Variants in ATRX observed in about 807,000 individuals in gnomAD.
ATRX encodes ATRX chromatin remodeler, also known as chromatin remodeler ATRX.
Under a neutral mutation model 172.6 loss-of-function variants are expected in ATRX, and 12 were observed. The ratio of observed to expected loss-of-function variants is 0.07; its 90% CI spans 0.04 to 0.11. The LOEUF is 0.11. ATRX is among the 10% of genes least tolerant of loss of function. The pLI, the probability that ATRX is intolerant of heterozygous loss-of-function variation, is 1.00. For missense variants in ATRX, 1,368 were observed against 1,767.4 expected (o/e 0.77, Z 4.05); for synonymous variants, 674 against 594.7 (o/e 1.13, Z -1.94).
At chrX:77,568,184 T>C (rs1243379555) in intron 28 of ATRX, among the ~76,000 whole-genome samples, 10 of 94,741 alleles carry the variant, frequency 1.1e-4, no homozygotes, top group Admixed American at 3.3e-4. Flanking sequence ...AAAAAGAAAA[T>C]CAAGGGAATA....
chrX:77,685,451 T>C (rs1557143336), intron 7 of ATRX, among the ~76,000 whole-genome samples: 1 of 112,359 alleles, frequency 8.9e-6, no homozygotes, highest in Non-Finnish European at 1.9e-5. Context: ...TCACCATCAT[T>C]GATTATCAGA....
At position 77,599,566 on chromosome X, in the gene ATRX, CCT is replaced by C; in HGVS notation, c.5799_5800del (p.Gly1934GlufsTer7). 8.3e-7 allele frequency: 1 copy of C among 1,209,965 alleles called. No individual in the cohort carries two copies. Among genetic ancestry groups the C allele is most frequent in the Non-Finnish European group, 1.1e-6 (1 of 894,952 alleles). On this transcript the variant is annotated frameshift_variant, in exon 25 of 35. Transcript: ENST00000373344. LOFTEE classifies it high-confidence loss of function. Reference sequence around the variant, plus strand: ...GCTACTATCTTTTTTCCCCTTTTTCCCTTTTTTCTTCTTTCTAAAAACAAACA... The same window carrying C: ...GCTACTATCTTTTTTCCCCTTTTTCCTTTTTCTTCTTTCTAAAAACAAACA...
At position 77,786,115 on chromosome X, in the gene ATRX, G is replaced by T; in HGVS notation, c.-114C>A. On this transcript the variant is annotated 5_prime_UTR_variant, in exon 1 of 35. Coordinates refer to ENST00000373344, the MANE Select transcript of ATRX (RefSeq NM_000489.6). ...AGTCTTAGTCGTCACTGTAGCTGCT[G>T]CTGGAACCTCCCCACAGCTCAAAGG... The T allele has an allele frequency of 1.1e-6, 1 of 919,450 alleles. No individual in the cohort carries two copies. Among genetic ancestry groups the T allele is most frequent in the Non-Finnish European group, 1.5e-6 (1 of 662,731 alleles). 75.8% of individuals were successfully genotyped at this position (919,450 alleles called of 1,213,427 possible). A position where few individuals can be genotyped will look rare whatever the true frequency, so the allele number is the denominator to read the frequency against.
chrX:77,538,533 A>G (rs782814364), intron 30 of ATRX, among the ~76,000 whole-genome samples: 10 of 111,707 alleles, frequency 9.0e-5, no homozygotes, highest in Non-Finnish European at 1.7e-4. Context: ...AACACTATTC[A>G]GGTGATGGTT....
chrX:77,705,412 C>T (rs2072762480), intron 2 of ATRX, among the ~76,000 whole-genome samples: 1 of 112,210 alleles, frequency 8.9e-6, no homozygotes, highest in African/African-American at 3.2e-5. Flanking sequence ...CTCTATAGAC[C>T]GTGCAGCCCT....
intron 7 of ATRX, among the ~76,000 whole-genome samples, chrX:77,687,152 CAAAAAAAAAAA>C (rs146268162): frequency 1.0e-4 from 4 of 39,378 alleles, no homozygotes; most frequent in Non-Finnish European, 1.7e-4. Context: ...GACTCCGTCT[CAAAAAAAAAAA>C]AAAAAAAAAA....
At chrX:77,554,723 G>T (rs1248048632) in intron 30 of ATRX, among the ~76,000 whole-genome samples, 1 of 111,504 alleles carries the variant, frequency 9.0e-6, no homozygotes, top group African/African-American at 3.3e-5. Flanking sequence ...CATCAAAATT[G>T]TATCTGAATG....
chrX:77,760,710 G>A (rs1240662852), intron 1 of ATRX, among the ~76,000 whole-genome samples: 1 of 111,429 alleles, frequency 9.0e-6, no homozygotes, highest in Non-Finnish European at 1.9e-5. Flanking sequence ...AACCCATGAG[G>A]CTTCAACTCT....
intron 1 of ATRX, among the ~76,000 whole-genome samples, chrX:77,766,975 C>T (rs1307572861): frequency 1.8e-5 from 2 of 112,378 alleles, no homozygotes; most frequent in Middle Eastern, 4.8e-3. Context: ...CCCGGCACCT[C>T]GGGAGGCCGA....
At chrX:77,693,991 TA>T in intron 5 of ATRX, 54 bp from the exon 6 acceptor site, 1 of 950,185 alleles carries the variant, frequency 1.1e-6, no homozygotes, top group Non-Finnish European at 1.5e-6. Context: ...GCAAGTGAAG[TA>T]CAAGACTTCA....
intron 22 of ATRX, among the ~76,000 whole-genome samples, chrX:77,604,555 GCA>G (rs1337839475): frequency 1.8e-5 from 2 of 112,062 alleles, no homozygotes; most frequent in Non-Finnish European, 3.8e-5. Flanking sequence ...ATGTAAATTA[GCA>G]CAAACTCCAT....
intron 1 of ATRX, among the ~76,000 whole-genome samples, chrX:77,718,899 C>A (rs1046035699): frequency 1.8e-5 from 2 of 111,130 alleles, no homozygotes; most frequent in Non-Finnish European, 3.8e-5. Flanking sequence ...ATCTTGAGTA[C>A]CTGTGGCACA....
chrX:77,512,918 C>T (rs1050021896), intron 34 of ATRX, among the ~76,000 whole-genome samples: 1 of 110,623 alleles, frequency 9.0e-6, no homozygotes, highest in South Asian at 3.8e-4. Flanking sequence ...CAGAAAATTG[C>T]TTTAACTAAA....
At chrX:77,606,580 T>C (rs2066910288) in intron 22 of ATRX, among the ~76,000 whole-genome samples, 1 of 110,867 alleles carries the variant, frequency 9.0e-6, no homozygotes, top group African/African-American at 3.3e-5. Context: ...AAAAAGGTCA[T>C]TCATCATGAC....
At chrX:77,733,418 G>C (rs1327109593) in intron 1 of ATRX, among the ~76,000 whole-genome samples, 5 of 111,297 alleles carry the variant, frequency 4.5e-5, no homozygotes, top group Non-Finnish European at 9.4e-5. Context: ...CAGAGTTATA[G>C]TAACCAAAAC....
At chrX:77,635,828 CT>C (rs1410477096) in intron 16 of ATRX, 86 bp downstream of exon 16, 26 of 901,261 alleles carry the variant, frequency 2.9e-5, no homozygotes, top group Non-Finnish European at 3.9e-5. Flanking sequence ...ACCTCCAGGA[CT>C]TAGCAGGATG....
At chrX:77,670,523 G>C (rs1009761567) in intron 10 of ATRX, among the ~76,000 whole-genome samples, 1 of 111,703 alleles carries the variant, frequency 9.0e-6, no homozygotes, top group Non-Finnish European at 1.9e-5. Flanking sequence ...GGGAGGCCAA[G>C]GCAGGCAAAT....
At chrX:77,695,073 A>C (rs374922859) in intron 5 of ATRX, among the ~76,000 whole-genome samples, 12 of 109,395 alleles carry the variant, frequency 1.1e-4, no homozygotes, top group African/African-American at 3.3e-4. Flanking sequence ...AAAAAAAAAA[A>C]AAACTGAATT....
chrX:77,650,773 A>C (rs2069175453), intron 15 of ATRX, among the ~76,000 whole-genome samples: 1 of 110,715 alleles, frequency 9.0e-6, no homozygotes, highest in Non-Finnish European at 1.9e-5. Context: ...TTTTTAGTAG[A>C]GACGGGGTTT....
Sources: allele counts gnomAD v4.1 joint callset (sites outside exome capture counted in the v4.1 genomes callset), GRCh38; gene constraint gnomAD v4.1.1; transcripts MANE v1.5; gene names NCBI Gene and HGNC (gene_info 2026-07-23, HGNC 2026-07-21).